The following SLC6A6 variants were observed in gnomAD, a reference collection of about 807,000 sequenced individuals.
SLC6A6 encodes sodium- and chloride-dependent taurine transporter.
Under a neutral mutation model 68.8 loss-of-function variants are expected in SLC6A6, and 16 were observed. The observed-to-expected ratio is 0.23, with a 90% CI of 0.16 to 0.35. SLC6A6 has a LOEUF of 0.35. Among genes scored for constraint, SLC6A6 ranks in the 10% least tolerant of loss-of-function variants. SLC6A6 has a pLI of 1.00. For synonymous variants in SLC6A6, 312 were observed against 315.4 expected, an observed-to-expected ratio of 0.99 and a Z score of 0.12; for missense variants, 474 against 802.8, an observed-to-expected ratio of 0.59 and a Z score of 4.95.
chr3:14,450,215 G>A lies in SLC6A6; in HGVS notation c.599+2399G>A, dbSNP rs182511596. Reference sequence around the variant, plus strand: ...TTGTCTAGGACCCAGGGGTCTTAGAGAGGGAACACTTGGGAGCAATGTGAG... The same window carrying A: ...TTGTCTAGGACCCAGGGGTCTTAGAAAGGGAACACTTGGGAGCAATGTGAG... On this transcript the variant is annotated intron_variant, in intron 5 of 14. Coordinates refer to ENST00000622186, the MANE Select transcript of SLC6A6 (RefSeq NM_003043.6). The surrounding 1 kb of genome is among the most constrained non-coding windows in gnomAD (Gnocchi z 4.1). 2.6e-4 allele frequency among the ~76,000 whole-genome samples: 39 copies of A among 152,164 alleles called. No individual in the cohort carries two copies. Among genetic ancestry groups the A allele is most frequent in the Admixed American group, 1.1e-3 (17 of 15,294 alleles).
intron 2 of SLC6A6, among the ~76,000 whole-genome samples, chr3:14,439,057 G>A (rs537419014): frequency 6.6e-6 from 1 of 152,318 alleles, no homozygotes; most frequent in East Asian, 1.9e-4. Context: ...TCAGGGCACC[G>A]GGAGGGATGC....
intron 1 of SLC6A6, among the ~76,000 whole-genome samples, chr3:14,410,693 C>G (rs911778298): frequency 1.3e-5 from 2 of 152,248 alleles, no homozygotes; most frequent in Non-Finnish European, 2.9e-5. Flanking sequence ...GGCTCAGGAC[C>G]ACTTCTCTGC....
intron 13 of SLC6A6, among the ~76,000 whole-genome samples, chr3:14,479,492 A>T (rs1186571107): frequency 6.6e-6 from 1 of 152,194 alleles, no homozygotes; most frequent in Non-Finnish European, 1.5e-5. Flanking sequence ...TGAGAAATCC[A>T]GGGGATCCAG....
chr3:14,464,436 C>T lies in SLC6A6; in HGVS notation c.733-2080C>T, dbSNP rs548613118. ...TACCTCAGAGGGTTAGGGCACGGGC[C>T]AGTGAAAATAGACGTCACAGCATTT... is the stretch of plus-strand genomic sequence containing the variant. On this transcript the variant is annotated intron_variant, in intron 6 of 14. Coordinates refer to ENST00000622186, the MANE Select transcript of SLC6A6 (RefSeq NM_003043.6). 9.2e-5 allele frequency among the ~76,000 whole-genome samples: 14 copies of T among 152,300 alleles called. No homozygotes were observed. In the South Asian group the frequency reaches 1.7e-3, roughly 18 times the overall value.
rs1053863369 is a variant in SLC6A6, at chr3:14,450,754, G to A, written c.599+2938G>A. Among the ~76,000 whole-genome samples the A allele has an allele frequency of 6.6e-6, 1 of 152,204 alleles. No individual in the cohort carries two copies. The highest frequency in any genetic ancestry group is 1.5e-5 in the Non-Finnish European group (1 of 68,042). ...TTCCAGCCCTGAGCCAGGTGCCGTG[G>A]GCAAGAAAGACCCGGCCTCCTGCCT... On this transcript the variant is annotated intron_variant, in intron 5 of 14. Transcript: ENST00000622186. The surrounding 1 kb of genome is among the most constrained non-coding windows in gnomAD (Gnocchi z 4.1).
chr3:14,470,872 G>T (rs1053457028), intron 9 of SLC6A6, among the ~76,000 whole-genome samples: 1 of 152,250 alleles, frequency 6.6e-6, no homozygotes, highest in South Asian at 2.1e-4. Context: ...GCTCCTGATG[G>T]GGGTCTCCAG....
intron 2 of SLC6A6, among the ~76,000 whole-genome samples, chr3:14,426,443 C>T (rs193176976): frequency 4.0e-4 from 61 of 152,304 alleles, no homozygotes; most frequent in Admixed American, 2.0e-3. Context: ...GGATTGGCCA[C>T]GAGGTTGGAG....
intron 1 of SLC6A6, among the ~76,000 whole-genome samples, chr3:14,410,827 G>C (rs1162874589): frequency 6.6e-6 from 1 of 152,234 alleles, no homozygotes; most frequent in African/African-American, 2.4e-5. Context: ...AAGGCTGCCA[G>C]TTGCTTGGTT....
chr3:14,406,513 C>G (rs1462008183), intron 1 of SLC6A6, among the ~76,000 whole-genome samples: 2 of 152,178 alleles, frequency 1.3e-5, no homozygotes. Flanking sequence ...GAGTCTTGCC[C>G]TGAACTCTTT....
chr3:14,456,339 AT>A (rs1700367262), intron 5 of SLC6A6, among the ~76,000 whole-genome samples: 1 of 152,220 alleles, frequency 6.6e-6, no homozygotes, highest in Admixed American at 6.5e-5. Context: ...TAGTGGGAGT[AT>A]TTCACGGATC....
chr3:14,456,068 C>T (rs1016194354), intron 5 of SLC6A6, among the ~76,000 whole-genome samples: 2 of 152,188 alleles, frequency 1.3e-5, no homozygotes, highest in African/African-American at 4.8e-5. Flanking sequence ...AGCTCTGTGT[C>T]ACCTGCTGGC....
chr3:14,458,199 G>A (rs189252954), intron 6 of SLC6A6, 117 bp downstream of exon 6: 56 of 922,212 alleles, frequency 6.1e-5, no homozygotes, highest in Admixed American at 5.0e-4. Flanking sequence ...CAGTGGTGGC[G>A]TGCTGGTAAG....
intron 6 of SLC6A6, among the ~76,000 whole-genome samples, chr3:14,460,984 G>C (rs1306526170): frequency 6.6e-6 from 1 of 152,242 alleles, no homozygotes; most frequent in African/African-American, 2.4e-5. Flanking sequence ...CCCTGCTCTC[G>C]TGTCTAGTCC....
chr3:14,448,415 C>T (rs539376493), intron 5 of SLC6A6, among the ~76,000 whole-genome samples: 1 of 152,258 alleles, frequency 6.6e-6, no homozygotes, highest in Admixed American at 6.5e-5. Flanking sequence ...AACTGTAGGT[C>T]CTCCGGGTAG....
chr3:14,465,073 T>C (rs1700584958), intron 6 of SLC6A6, among the ~76,000 whole-genome samples: 1 of 152,186 alleles, frequency 6.6e-6, no homozygotes. Context: ...TGAAGTGGGC[T>C]TGTGCCTGGG....
intron 1 of SLC6A6, among the ~76,000 whole-genome samples, chr3:14,412,996 C>G (rs73815258): frequency 6.6e-6 from 1 of 152,228 alleles, no homozygotes; most frequent in African/African-American, 2.4e-5. Context: ...ACAGTGTCCT[C>G]GCTCCAAAAG....
intron 10 of SLC6A6, among the ~76,000 whole-genome samples, chr3:14,473,448 C>A (rs1700799754): frequency 6.6e-6 from 1 of 152,122 alleles, no homozygotes; most frequent in Admixed American, 6.5e-5. Flanking sequence ...AGCTTGCAGC[C>A]AGGGCGGGAG....
At chr3:14,429,672 G>A (rs1353314811) in intron 2 of SLC6A6, among the ~76,000 whole-genome samples, 5 of 152,228 alleles carry the variant, frequency 3.3e-5, no homozygotes, top group Admixed American at 2.0e-4. Flanking sequence ...GGACAGATTC[G>A]TGGGCCCCCA....
At position 14,488,830 on chromosome 3, in the gene SLC6A6, A is replaced by C. The variant is rs1030675287; in HGVS notation, c.*3823A>C. On this transcript the variant is annotated 3_prime_UTR_variant, in exon 15 of 15. Transcript: ENST00000622186. ...TTTGCATTGTTCTCTTGTGGGTGTC[A>C]CTACAGACATGTTCTGGCGTGTTCT... 5.9e-5 allele frequency: 9 copies of C among 152,572 alleles called. No homozygotes were observed. The highest frequency in any genetic ancestry group is 1.0e-4 in the Non-Finnish European group (7 of 68,030). The allele number at this position is 152,572 out of a possible 1,614,324, so 9.5% of individuals were successfully genotyped here. A position where few individuals can be genotyped will look rare whatever the true frequency, so the allele number is the denominator to read the frequency against.
Sources: allele counts gnomAD v4.1 joint callset (sites outside exome capture counted in the v4.1 genomes callset), GRCh38; gene constraint gnomAD v4.1.1; non-coding constraint Gnocchi (gnomAD v3.1); transcripts MANE v1.5; gene names NCBI Gene and HGNC (gene_info 2026-07-23, HGNC 2026-07-21).